Variants in UVRAG observed in about 807,000 individuals in gnomAD.
UVRAG encodes UV radiation resistance associated, also known as UV radiation resistance-associated gene protein.
In UVRAG, 19 loss-of-function variants were observed where a neutral mutation model predicts 78.0. That is an observed-to-expected ratio of 0.24 (90% CI 0.17 to 0.36). UVRAG has a LOEUF of 0.36. Ranked by LOEUF, UVRAG falls within the 10% of genes least tolerant of loss-of-function variation. The pLI, the probability that UVRAG is intolerant of heterozygous loss-of-function variation, is 1.00. For synonymous variants in UVRAG, 323 were observed against 324.6 expected (o/e 1.00, Z 0.05); for missense variants, 740 against 853.8 (o/e 0.87, Z 1.66).
chr11:75,995,720 T>G (rs1949694529), intron 8 of UVRAG, among the ~76,000 whole-genome samples: 1 of 152,042 alleles, frequency 6.6e-6, no homozygotes, highest in Admixed American at 6.6e-5. Flanking sequence ...GCATAACAAT[T>G]TTTTCCTTTT....
At chr11:76,127,626 C>T (rs1015623586) in intron 14 of UVRAG, among the ~76,000 whole-genome samples, 29 of 141,106 alleles carry the variant, frequency 2.1e-4, no homozygotes, top group Non-Finnish European at 3.8e-4. Context: ...AAGAACAAAA[C>T]TCCGTCTCAA....
intron 13 of UVRAG, among the ~76,000 whole-genome samples, chr11:76,076,178 A>G (rs1401454142): frequency 6.6e-6 from 1 of 152,168 alleles, no homozygotes; most frequent in Non-Finnish European, 1.5e-5. Context: ...TGTTTTCTAA[A>G]GTGGCAACAC....
At chr11:75,816,158 C>T in intron 1 of UVRAG, among the ~76,000 whole-genome samples, 1 of 152,198 alleles carries the variant, frequency 6.6e-6, no homozygotes. Context: ...TCTTCATTCC[C>T]TTCAGTGAGT....
At chr11:75,832,139 C>G (rs1945672122) in intron 1 of UVRAG, among the ~76,000 whole-genome samples, 1 of 152,202 alleles carries the variant, frequency 6.6e-6, no homozygotes, top group South Asian at 2.1e-4. Flanking sequence ...GTTCCACTTA[C>G]AACACTTCTG....
chr11:76,090,548 T>C (rs1395817626), intron 13 of UVRAG, among the ~76,000 whole-genome samples: 1 of 152,192 alleles, frequency 6.6e-6, no homozygotes, highest in Non-Finnish European at 1.5e-5. Flanking sequence ...AAGCTCTCCT[T>C]TCCAGACTTA....
intron 12 of UVRAG, among the ~76,000 whole-genome samples, chr11:76,026,732 T>C (rs1182684104): frequency 6.6e-6 from 1 of 152,130 alleles, no homozygotes; most frequent in Non-Finnish European, 1.5e-5. Context: ...GTGGACCAAA[T>C]GCTTTGGTTC....
At chr11:76,131,511 T>C (rs891917608) in intron 14 of UVRAG, among the ~76,000 whole-genome samples, 8 of 152,240 alleles carry the variant, frequency 5.3e-5, no homozygotes, top group African/African-American at 1.9e-4. Context: ...TTTCCATCAC[T>C]ACTTGGTTTA....
At chr11:76,061,385 G>A (rs1591189823) in intron 12 of UVRAG, among the ~76,000 whole-genome samples, 1 of 152,174 alleles carries the variant, frequency 6.6e-6, no homozygotes, top group African/African-American at 2.4e-5. Context: ...GAGAATAAAT[G>A]CAGGCTGCAG....
intron 5 of UVRAG, among the ~76,000 whole-genome samples, chr11:75,907,431 C>G (rs1947639377): frequency 6.6e-6 from 1 of 151,292 alleles, no homozygotes; most frequent in South Asian, 2.1e-4. Flanking sequence ...TGGAAAGGTG[C>G]TGAATTTTGT....
intron 7 of UVRAG, among the ~76,000 whole-genome samples, chr11:75,975,856 G>A (rs1055084435): frequency 1.3e-5 from 2 of 151,874 alleles, no homozygotes; most frequent in East Asian, 1.9e-4. Context: ...AATACCCTTT[G>A]TTTCTTTCTC....
intron 12 of UVRAG, among the ~76,000 whole-genome samples, chr11:76,061,539 A>G (rs530366845): frequency 1.3e-5 from 2 of 152,280 alleles, no homozygotes; most frequent in Admixed American, 6.5e-5. Flanking sequence ...GAAGGTCTGC[A>G]GCTTCACTCC....
At chr11:75,905,457 C>G (rs1394436522) in intron 5 of UVRAG, among the ~76,000 whole-genome samples, 1 of 152,144 alleles carries the variant, frequency 6.6e-6, no homozygotes, top group Non-Finnish European at 1.5e-5. Context: ...TTTTGCTGTC[C>G]TCCAAACCCC....
chr11:75,938,869 C>A (rs561943077), intron 6 of UVRAG, among the ~76,000 whole-genome samples: 15 of 152,136 alleles, frequency 9.9e-5, no homozygotes, highest in Admixed American at 9.8e-4. Context: ...TGAGAACTCT[C>A]GCACTCATGG....
rs374129887 is a variant in UVRAG, at chr11:75,888,899, A to T, written c.503A>T (p.His168Leu). ...GGATACTATGGTGCTCCATTTGAAC[A>T]TAAGGTAAGAAGATCCTTCTAATGT... ...NDGYYGAPFE[H>L]KGYSNAQKTI... Residue 168 changes from histidine (H) to leucine (L), a missense_variant, in exon 5 of 15, where the codon CAT (histidine) becomes CTT (leucine). Transcript: ENST00000356136. The T allele has an allele frequency of 6.2e-7, 1 of 1,612,520 alleles. No homozygotes were observed. Among genetic ancestry groups the T allele is most frequent in the African/African-American group, 1.3e-5 (1 of 74,852 alleles).
intron 11 of UVRAG, among the ~76,000 whole-genome samples, chr11:76,013,360 A>G (rs1950089923): frequency 6.6e-6 from 1 of 152,184 alleles, no homozygotes; most frequent in Non-Finnish European, 1.5e-5. Context: ...GTTTGTTGGA[A>G]TTAGCATCTT....
intron 6 of UVRAG, among the ~76,000 whole-genome samples, chr11:75,914,885 G>T (rs1207877378): frequency 6.6e-6 from 1 of 152,064 alleles, no homozygotes; most frequent in Non-Finnish European, 1.5e-5. Context: ...TCCTTTTTGT[G>T]TGGGAGTGTC....
intron 14 of UVRAG, among the ~76,000 whole-genome samples, chr11:76,123,135 T>A (rs2134481521): frequency 6.6e-6 from 1 of 152,312 alleles, no homozygotes; most frequent in East Asian, 1.9e-4. Context: ...CTTCCTTCTC[T>A]GCCCTTCCCC....
chr11:75,986,231 C>T (rs1359440088), intron 8 of UVRAG, among the ~76,000 whole-genome samples: 1 of 152,030 alleles, frequency 6.6e-6, no homozygotes, highest in African/African-American at 2.4e-5. Context: ...CTTTACAAAA[C>T]GTTATCGAAA....
chr11:76,115,621 A>T (rs1385879953), intron 13 of UVRAG, among the ~76,000 whole-genome samples: 5 of 152,170 alleles, frequency 3.3e-5, no homozygotes, highest in African/African-American at 1.2e-4. Context: ...GGGTCTTTGA[A>T]ATATCCTCAT....
Sources: allele counts gnomAD v4.1 joint callset (sites outside exome capture counted in the v4.1 genomes callset), GRCh38; gene constraint gnomAD v4.1.1; transcripts MANE v1.5; gene names NCBI Gene and HGNC (gene_info 2026-07-23, HGNC 2026-07-21).